Variants in NAV2 observed in about 807,000 individuals in gnomAD.
NAV2 encodes neuron navigator 2.
NAV2 carries 54 observed loss-of-function variants against 223.2 expected under a neutral mutation model. That is an observed-to-expected ratio of 0.24 (90% confidence interval 0.19 to 0.30). NAV2 has a LOEUF of 0.30. Among genes scored for constraint, NAV2 ranks in the 10% least tolerant of loss-of-function variants. The pLI, the probability that NAV2 is intolerant of heterozygous loss-of-function variation, is 1.00. For missense variants in NAV2, 2,806 were observed against 3,147.5 expected, an observed-to-expected ratio of 0.89 and a Z score of 2.60; for synonymous variants, 1,279 against 1,239.3, an observed-to-expected ratio of 1.03 and a Z score of -0.67.
intron 1 of NAV2, among the ~76,000 whole-genome samples, chr11:19,809,890 C>T (rs2058760480): frequency 6.6e-6 from 1 of 152,130 alleles, no homozygotes; most frequent in African/African-American, 2.4e-5. Context: ...ATTTTTCATC[C>T]CATCCTATCA....
intron 5 of NAV2, among the ~76,000 whole-genome samples, chr11:19,886,225 G>A (rs761200463): frequency 4.6e-5 from 7 of 151,400 alleles, no homozygotes; most frequent in South Asian, 2.1e-4. Flanking sequence ...CAATCCTCCC[G>A]CCTTGGCCTC....
Position 19,892,571 on chromosome 11 carries a change from C to T in NAV2, c.908C>T (p.Pro303Leu). Residue 303 changes from proline to leucine, a missense_variant, in exon 6 of 38, where the codon CCA (proline) becomes CTA (leucine). Around this residue, in one of 4 missense-constraint regions of NAV2, gnomAD observed 1,167 missense variants for 1,180.5 expected, o/e 0.99. Transcript: ENST00000349880. Reference sequence around the variant, plus strand: ...TCCAAACCAGTCACCTCCCCACCCCCACCGCCAAGCAGCCACGAGAAAGGT... The same window carrying T: ...TCCAAACCAGTCACCTCCCCACCCCTACCGCCAAGCAGCCACGAGAAAGGT... ...DKSKPVTSPP[P>L]PPSSHEKEPL... The T allele has an allele frequency of 1.9e-6, 3 of 1,613,932 alleles. No individual in the cohort carries two copies. The highest frequency in any genetic ancestry group is 2.5e-6 in the Non-Finnish European group (3 of 1,179,934).
Position 19,933,207 on chromosome 11 carries a change from C to G in NAV2, c.963C>G (p.Pro321=). The G allele has an allele frequency of 6.4e-7, 1 of 1,551,938 alleles. No individual in the cohort carries two copies. Among genetic ancestry groups the G allele is most frequent in the Non-Finnish European group, 8.7e-7 (1 of 1,147,408 alleles). Residue 321 remains proline, a synonymous_variant, in exon 7 of 38, where the codon CCC becomes CCG. Transcript: ENST00000349880. This position sits in a 1 kb window ranked among gnomAD's most constrained non-coding sequence, Gnocchi z 4.3. ...EPLASSASSH[P]GMSDNAPASL... is the part of the protein sequence containing the mutation. ...TGGCAAGTTCAGCCTCCTCCCACCC[C>G]GGAATGAGTGACAATGCACCTGCTT...
chr11:19,614,310 C>G (rs1482181933), intron 1 of NAV2, among the ~76,000 whole-genome samples: 1 of 152,140 alleles, frequency 6.6e-6, no homozygotes, highest in African/African-American at 2.4e-5. Context: ...CCTGGAAACC[C>G]CTTGGCTGCT....
chr11:19,784,720 A>G lies in NAV2; in HGVS notation c.268-47764A>G, dbSNP rs79549472. The stretch of plus-strand genomic sequence containing the variant: ...GACCTAGATTCAAATCCTGGGTTCC[A>G]CCACTATCTGTGAGATCTTGGAATA... On this transcript the variant is annotated intron_variant, in intron 1 of 37. Coordinates refer to ENST00000349880, the MANE Select transcript of NAV2 (RefSeq NM_145117.5). 1.4e-4 allele frequency among the ~76,000 whole-genome samples: 21 copies of G among 152,312 alleles called. No individual in the cohort carries two copies. The East Asian group carries it at 4.1e-3, about 29-fold the overall frequency.
chr11:19,472,677 T>A (rs1468232829), intron 1 of NAV2, among the ~76,000 whole-genome samples: 1 of 152,152 alleles, frequency 6.6e-6, no homozygotes, highest in African/African-American at 2.4e-5. Flanking sequence ...CTAGCAGGCC[T>A]CAGGAAGTGT....
chr11:19,414,376 A>G (rs186299156), intron 1 of NAV2, among the ~76,000 whole-genome samples: 19 of 152,362 alleles, frequency 1.2e-4, no homozygotes, highest in Non-Finnish European at 8.8e-5. Context: ...AAAGGGATCA[A>G]TGCAACAAGA....
chr11:19,830,085 C>T (rs370692005), intron 1 of NAV2, among the ~76,000 whole-genome samples: 2 of 152,016 alleles, frequency 1.3e-5, no homozygotes, highest in African/African-American at 2.4e-5. Flanking sequence ...ATTAGCCAAG[C>T]GTGGTGGCAT....
chr11:20,056,533 C>T (rs1185910379), intron 19 of NAV2: 2 of 1,607,454 alleles, frequency 1.2e-6, no homozygotes, highest in South Asian at 2.2e-5. Context: ...TAATCAGAAT[C>T]ATGGGAGAAA....
chr11:20,014,047 A>C (rs2053803291), intron 11 of NAV2, among the ~76,000 whole-genome samples: 1 of 152,214 alleles, frequency 6.6e-6, no homozygotes, highest in African/African-American at 2.4e-5. Flanking sequence ...GACCGGGGCC[A>C]GTGGGAAAAC....
intron 11 of NAV2, among the ~76,000 whole-genome samples, chr11:20,019,351 T>C (rs1358308154): frequency 1.3e-5 from 2 of 152,308 alleles, no homozygotes; most frequent in Admixed American, 6.5e-5. Context: ...ATTAGGACTG[T>C]TAATGTAGAG....
At chr11:19,582,708 C>T in intron 1 of NAV2, among the ~76,000 whole-genome samples, 1 of 152,244 alleles carries the variant, frequency 6.6e-6, no homozygotes, top group East Asian at 1.9e-4. Context: ...GGGCTCTGTT[C>T]TGTTCCATTG....
chr11:20,109,357 C>G (rs954378828), intron 36 of NAV2, among the ~76,000 whole-genome samples: 2 of 152,200 alleles, frequency 1.3e-5, no homozygotes, highest in Non-Finnish European at 2.9e-5. Flanking sequence ...TAGCAGAGCT[C>G]TATCAACTGT....
rs542185954 is a variant in NAV2 at position 19,629,228 on chromosome 11, A to C, written c.76-203256A>C. ...CCCCACTCACCAGCCTTCACCCATC[A>C]AGCCTCTGGAACTCCCAGAGAACAA... is the stretch of plus-strand genomic sequence containing the variant. On this transcript the variant is annotated intron_variant, in intron 1 of 37. Transcript: ENST00000360655. Among the ~76,000 whole-genome samples, 6 of 152,032 alleles carry C rather than the reference A, an allele frequency of 3.9e-5. No individual in the cohort carries two copies. The East Asian group carries it at 7.8e-4, about 20-fold the overall frequency.
At chr11:19,712,825 C>G (rs1420308346), upstream of NAV2, among the ~76,000 whole-genome samples, 1 of 151,578 alleles carries the variant, frequency 6.6e-6, no homozygotes, top group South Asian at 2.1e-4. Flanking sequence ...GCAGCAGCGC[C>G]GGCAGCAGCC....
intron 1 of NAV2, among the ~76,000 whole-genome samples, chr11:19,362,566 G>A (rs1011285404): frequency 4.6e-5 from 7 of 152,124 alleles, no homozygotes; most frequent in East Asian, 1.9e-4. Context: ...CTGCTCTGTA[G>A]CATAAATAAT....
At chr11:19,434,261 A>C (rs1428825090) in intron 1 of NAV2, among the ~76,000 whole-genome samples, 1 of 152,248 alleles carries the variant, frequency 6.6e-6, no homozygotes, top group Admixed American at 6.5e-5. Flanking sequence ...CACACAGTAG[A>C]TGCTCAGTGG....
chr11:20,023,797 T>G (rs1175467021), intron 11 of NAV2, among the ~76,000 whole-genome samples: 2 of 151,860 alleles, frequency 1.3e-5, no homozygotes, highest in East Asian at 3.9e-4. Flanking sequence ...CTTGCTACCT[T>G]ATGACCTATA....
chr11:19,643,801 T>C (rs1420611685), intron 1 of NAV2, among the ~76,000 whole-genome samples: 1 of 152,210 alleles, frequency 6.6e-6, no homozygotes, highest in African/African-American at 2.4e-5. Context: ...AGTGTTCCTA[T>C]TTCTCCACAT....
Sources: allele counts gnomAD v4.1 joint callset (sites outside exome capture counted in the v4.1 genomes callset), GRCh38; gene constraint gnomAD v4.1.1; regional missense constraint gnomAD v4.1.1; non-coding constraint Gnocchi (gnomAD v3.1); transcripts MANE v1.5; gene names NCBI Gene and HGNC (gene_info 2026-07-23, HGNC 2026-07-21).